The following KIAA1549L variants were observed in gnomAD, a reference collection of about 807,000 sequenced individuals.
The protein encoded by KIAA1549L is UPF0606 protein KIAA1549L.
In KIAA1549L, 88 loss-of-function variants were observed where a neutral mutation model predicts 160.7. That is an observed-to-expected ratio of 0.55 (90% CI 0.46 to 0.65). KIAA1549L has a LOEUF of 0.65. KIAA1549L is among the 30% of genes least tolerant of loss of function. The pLI is 0.00. For missense variants in KIAA1549L, 2,258 were observed against 2,437.5 expected, an observed-to-expected ratio of 0.93 and a Z score of 1.55; for synonymous variants, 950 against 976.7, an observed-to-expected ratio of 0.97 and a Z score of 0.51.
chr11:33,464,932 G>C (rs79732720), intron 1 of KIAA1549L, among the ~76,000 whole-genome samples: 7,379 of 151,440 alleles, frequency 0.049, 353 homozygotes, highest in South Asian at 0.12. Flanking sequence ...TCGTGCAAAT[G>C]TAAGGAATCT....
chr11:33,451,546 A>T (rs566932641), intron 1 of KIAA1549L, among the ~76,000 whole-genome samples: 1 of 152,322 alleles, frequency 6.6e-6, no homozygotes, highest in East Asian at 1.9e-4. Flanking sequence ...TCCTGCGTAA[A>T]TGTCATTAAA....
intron 17 of KIAA1549L, among the ~76,000 whole-genome samples, chr11:33,651,634 G>T (rs1185411572): frequency 6.6e-6 from 1 of 151,998 alleles, no homozygotes; most frequent in African/African-American, 2.4e-5. Context: ...CCTGCAGCCT[G>T]TTACCCCTGT....
In KIAA1549L at chr11:33,386,584, G is replaced by A. The variant is rs572241765; in HGVS notation, c.238+9695G>A. Among the ~76,000 whole-genome samples, 261 of 152,298 alleles carry A rather than the reference G, an allele frequency of 1.7e-3. 2 individuals are homozygous for A. The highest frequency in any genetic ancestry group is 6.0e-3 in the African/African-American group (249 of 41,564). The stretch of plus-strand genomic sequence containing the variant: ...TGTAATCCCAGCCACTCAGGAGGCT[G>A]AGGCAGGAGAATCGCTTGCACCTGG... On this transcript the variant is annotated intron_variant, in intron 1 of 20. Transcript: ENST00000658780.
chr11:33,411,332 G>A (rs1057492908), intron 1 of KIAA1549L, among the ~76,000 whole-genome samples: 2 of 152,116 alleles, frequency 1.3e-5, no homozygotes, highest in African/African-American at 4.8e-5. Context: ...CCCACTTGGA[G>A]CACTTTTAGA....
At chr11:33,424,701 C>T (rs2134109888) in intron 1 of KIAA1549L, among the ~76,000 whole-genome samples, 1 of 152,274 alleles carries the variant, frequency 6.6e-6, no homozygotes, top group East Asian at 1.9e-4. Context: ...ACATGCTCTA[C>T]TCTGGGTACT....
At chr11:33,421,176 A>G (rs973147417) in intron 1 of KIAA1549L, among the ~76,000 whole-genome samples, 1 of 144,388 alleles carries the variant, frequency 6.9e-6, no homozygotes, top group Non-Finnish European at 1.5e-5. Flanking sequence ...TGCTCTTCTC[A>G]CTCAGGGGAT....
intron 1 of KIAA1549L, among the ~76,000 whole-genome samples, chr11:33,394,749 G>T (rs1277951307): frequency 6.6e-6 from 1 of 152,220 alleles, no homozygotes; most frequent in Non-Finnish European, 1.5e-5. Context: ...AAGACAAAAT[G>T]AGTGTTCCTG....
At chr11:33,560,675 A>G (rs1467788352) in intron 7 of KIAA1549L, among the ~76,000 whole-genome samples, 2 of 152,234 alleles carry the variant, frequency 1.3e-5, no homozygotes, top group Non-Finnish European at 2.9e-5. Context: ...GTACTCCTAA[A>G]TTTAAACATT....
At chr11:33,424,623 TAAG>T (rs1326350647) in intron 1 of KIAA1549L, among the ~76,000 whole-genome samples, 1 of 152,230 alleles carries the variant, frequency 6.6e-6, no homozygotes, top group African/African-American at 2.4e-5. Flanking sequence ...GAGCTTATGT[TAAG>T]AAATAAATTT....
intron 1 of KIAA1549L, among the ~76,000 whole-genome samples, chr11:33,464,152 G>T (rs1851996145): frequency 6.6e-6 from 1 of 152,200 alleles, no homozygotes; most frequent in African/African-American, 2.4e-5. Flanking sequence ...CACACAGTCA[G>T]TAAAAGCTAG....
rs368559646 is a variant in KIAA1549L at position 33,536,596 on chromosome 11, G to T, written c.239-5206G>T. ...ATGATGTTGCTTTGGAAGTCACGTG[G>T]CATTATTGGTCAAACAGACTCAAGC... is the stretch of plus-strand genomic sequence containing the variant. On this transcript the variant is annotated intron_variant, in intron 1 of 20. Transcript: ENST00000658780. Among the ~76,000 whole-genome samples, 6 of 152,290 alleles carry T rather than the reference G, an allele frequency of 3.9e-5. No homozygotes were observed. The East Asian group carries it at 7.7e-4, about 20-fold the overall frequency.
intron 15 of KIAA1549L, among the ~76,000 whole-genome samples, chr11:33,616,217 ACT>A (rs1366926825): frequency 6.6e-6 from 1 of 151,836 alleles, no homozygotes; most frequent in Non-Finnish European, 1.5e-5. Context: ...CTCTCTTTTC[ACT>A]CTCTGCTGCC....
intron 1 of KIAA1549L, among the ~76,000 whole-genome samples, chr11:33,404,267 T>C (rs553228911): frequency 6.6e-4 from 100 of 152,186 alleles, no homozygotes; most frequent in Non-Finnish European, 1.0e-3. Flanking sequence ...GCTCATGTCT[T>C]TAATCCCAGC....
intron 1 of KIAA1549L, among the ~76,000 whole-genome samples, chr11:33,428,930 G>A (rs1851174989): frequency 6.6e-6 from 1 of 152,208 alleles, no homozygotes; most frequent in South Asian, 2.1e-4. Context: ...GTGTAAAAGT[G>A]TTCCTATTTC....
At chr11:33,394,410 TAAATAAATAAAC>T (rs1484202810) in intron 1 of KIAA1549L, among the ~76,000 whole-genome samples, 5 of 93,064 alleles carry the variant, frequency 5.4e-5, no homozygotes, top group Non-Finnish European at 7.9e-5. Flanking sequence ...AATAAATAAA[TAAATAAATAAAC>T]AAACAATAAA....
In KIAA1549L at chr11:33,658,880, T is replaced by C. The variant is rs1011193939; in HGVS notation, c.5989T>C (p.Ser1997Pro). 6.4e-7 allele frequency: 1 copy of C among 1,557,804 alleles called. No homozygotes were observed. Among genetic ancestry groups the C allele is most frequent in the African/African-American group, 1.4e-5 (1 of 73,360 alleles). The change falls in exon 19 of 21, where the codon TCG becomes CCG. Residue 1997 changes from serine (S) to proline (P), a missense_variant. Ser to Pro is a moderately conservative substitution (Grantham distance 74). Around this residue, in one of 6 missense-constraint regions of KIAA1549L, gnomAD observed 1,359 missense variants for 1,546.6 expected, o/e 0.88. Coordinates refer to ENST00000658780, the MANE Select transcript of KIAA1549L (RefSeq NM_012194.3). ...TGTGTCCGTGACGCAGTTGGATCAG[T>C]CGGCTTTAAATTACTCAGGTGGGCA... The part of the protein sequence containing the change: ...GPVSVTQLDQ[S>P]ALNYSGNTVP...
chr11:33,551,977 T>C, intron 5 of KIAA1549L, 131 bp from the exon 6 acceptor site: 1 of 1,000,414 alleles, frequency 1.0e-6, no homozygotes, highest in East Asian at 2.6e-5. Flanking sequence ...GCAAACCTTG[T>C]CTGGCCTTAT....
chr11:33,511,353 T>C (rs1440469269), intron 1 of KIAA1549L, among the ~76,000 whole-genome samples: 1 of 152,204 alleles, frequency 6.6e-6, no homozygotes, highest in African/African-American at 2.4e-5. Context: ...GCAATGGAAG[T>C]GTGACCAATG....
intron 1 of KIAA1549L, among the ~76,000 whole-genome samples, chr11:33,460,443 C>G (rs1273956551): frequency 6.6e-6 from 1 of 152,098 alleles, no homozygotes; most frequent in African/African-American, 2.4e-5. Context: ...TTGGTGGGAC[C>G]CATATGGGCG....
Sources: allele counts gnomAD v4.1 joint callset (sites outside exome capture counted in the v4.1 genomes callset), GRCh38; gene constraint gnomAD v4.1.1; regional missense constraint gnomAD v4.1.1; transcripts MANE v1.5; gene names NCBI Gene and HGNC (gene_info 2026-07-23, HGNC 2026-07-21).